Variants in FTCDNL1 observed in about 807,000 individuals in gnomAD.
FTCDNL1 encodes formiminotransferase N-terminal subdomain-containing protein.
Under a neutral mutation model 5.9 loss-of-function variants are expected in FTCDNL1, and 11 were observed. That is an observed-to-expected ratio of 1.87 (90% CI 1.18 to 3.10). The LOEUF (loss-of-function observed/expected upper bound fraction) is 3.10, where lower values mean the gene tolerates loss of function less well. Among genes scored for constraint, FTCDNL1 ranks in the 30% most tolerant of loss-of-function variants. FTCDNL1 has a pLI of 0.00. For synonymous variants in FTCDNL1, 58 were observed against 24.8 expected (o/e 2.34, Z -3.99); for missense variants, 115 against 65.5 (o/e 1.76, Z -2.61).
chr2:199,766,419 C>A (rs557048242), intron 3 of FTCDNL1, among the ~76,000 whole-genome samples: 2 of 152,232 alleles, frequency 1.3e-5, no homozygotes, highest in East Asian at 3.9e-4. Context: ...TGTCCTTCAG[C>A]ATGGTTTCCC....
chr2:199,828,399 C>T (rs1057266717), intron 3 of FTCDNL1, among the ~76,000 whole-genome samples: 2 of 152,170 alleles, frequency 1.3e-5, no homozygotes, highest in African/African-American at 2.4e-5. Flanking sequence ...ACTGTCTCAT[C>T]AGTTTTCAAG....
At chr2:199,771,582 T>C (rs143043129) in intron 3 of FTCDNL1, among the ~76,000 whole-genome samples, 1 of 152,228 alleles carries the variant, frequency 6.6e-6, no homozygotes, top group Non-Finnish European at 1.5e-5. Context: ...TAATTTCTTA[T>C]GGTATAAAAG....
At chr2:199,745,171 G>A in the FTCDNL1 span, among the ~76,000 whole-genome samples, 1 of 152,180 alleles carries the variant, frequency 6.6e-6, no homozygotes, top group Non-Finnish European at 1.5e-5. Context: ...GATATTTATC[G>A]ATTCACCCTT....
At chr2:199,689,828 A>AAG in the FTCDNL1 span, among the ~76,000 whole-genome samples, 1 of 151,598 alleles carries the variant, frequency 6.6e-6, no homozygotes, top group Non-Finnish European at 1.5e-5. Context: ...AAAAAAAAAA[A>AAG]AGAATATAAT....
the FTCDNL1 span, among the ~76,000 whole-genome samples, chr2:199,709,608 G>A: frequency 1.3e-5 from 2 of 152,060 alleles, no homozygotes; most frequent in Admixed American, 6.6e-5. Flanking sequence ...ATGTTTCAGA[G>A]GGCTGGGGTG....
intron 3 of FTCDNL1, among the ~76,000 whole-genome samples, chr2:199,841,372 CGA>C (rs1197621692): frequency 1.3e-5 from 2 of 151,896 alleles, no homozygotes; most frequent in African/African-American, 4.8e-5. Flanking sequence ...GGTGACACAG[CGA>C]GACTCTGTCT....
At chr2:199,708,716 G>A in the FTCDNL1 span, among the ~76,000 whole-genome samples, 1 of 152,188 alleles carries the variant, frequency 6.6e-6, no homozygotes, top group Admixed American at 6.5e-5. Context: ...TTTCCACTCT[G>A]ACTGCTGAAA....
the FTCDNL1 span, among the ~76,000 whole-genome samples, chr2:199,718,559 G>C: frequency 6.6e-6 from 1 of 152,204 alleles, no homozygotes; most frequent in South Asian, 2.1e-4. Context: ...CCTTTGTGTA[G>C]ATACTCAGTA....
At chr2:199,726,108 T>G in the FTCDNL1 span, among the ~76,000 whole-genome samples, 4 of 152,190 alleles carry the variant, frequency 2.6e-5, no homozygotes, top group East Asian at 7.7e-4. Context: ...TTGTCTAATT[T>G]TGTCTGCCTG....
chr2:199,805,670 C>A (rs766040407), downstream of FTCDNL1, among the ~76,000 whole-genome samples: 1 of 152,002 alleles, frequency 6.6e-6, no homozygotes, highest in South Asian at 2.1e-4. Flanking sequence ...ACCCAAGAGA[C>A]GAAGGTTGCA....
intron 3 of FTCDNL1, among the ~76,000 whole-genome samples, chr2:199,786,341 G>A (rs954480689): frequency 2.0e-5 from 3 of 151,498 alleles, no homozygotes; most frequent in African/African-American, 7.3e-5. Flanking sequence ...TATATATATT[G>A]GGGACTTCAG....
At chr2:199,701,297 TTTAAAAAAAAAAAAAAAAAAAAAAAAAA>T in the FTCDNL1 span, among the ~76,000 whole-genome samples, 1 of 70,890 alleles carries the variant, frequency 1.4e-5, no homozygotes, top group Non-Finnish European at 2.4e-5. Flanking sequence ...TACTTGAAAG[TTTAAAAAAAAAAAAAAAAAAAAAAAAAA>T]AAAAAAAAAA....
intron 3 of FTCDNL1, among the ~76,000 whole-genome samples, chr2:199,821,269 C>A (rs1237592220): frequency 6.6e-6 from 1 of 151,662 alleles, no homozygotes; most frequent in Non-Finnish European, 1.5e-5. Flanking sequence ...CCTGCCTCAG[C>A]CCACCATGTA....
chr2:199,833,284 C>A (rs986079425), intron 3 of FTCDNL1, among the ~76,000 whole-genome samples: 109 of 152,240 alleles, frequency 7.2e-4, no homozygotes, highest in African/African-American at 2.5e-3. Context: ...AAATTCTTAT[C>A]CTGCCCACTT....
At chr2:199,666,791 T>C in the FTCDNL1 span, among the ~76,000 whole-genome samples, 1 of 151,942 alleles carries the variant, frequency 6.6e-6, no homozygotes, top group Non-Finnish European at 1.5e-5. Context: ...GGTGCATGCC[T>C]GTAATCCCAG....
intron 3 of FTCDNL1, among the ~76,000 whole-genome samples, chr2:199,828,764 G>T (rs868020581): frequency 6.6e-6 from 1 of 152,150 alleles, no homozygotes; most frequent in South Asian, 2.1e-4. Flanking sequence ...CTCAATAAAG[G>T]TTTATCAAAT....
At chr2:199,763,996 G>A (rs112809623) in intron 3 of FTCDNL1, among the ~76,000 whole-genome samples, 4 of 151,894 alleles carry the variant, frequency 2.6e-5, no homozygotes, top group Admixed American at 6.6e-5. Context: ...TGCCTGCCAC[G>A]ACACCTGGCT....
intron 3 of FTCDNL1, among the ~76,000 whole-genome samples, chr2:199,772,531 A>T (rs1240241181): frequency 6.6e-6 from 1 of 152,126 alleles, no homozygotes; most frequent in Non-Finnish European, 1.5e-5. Flanking sequence ...TCTACACAGG[A>T]GCCCTAATCC....
At chr2:199,766,124 T>C (rs1298469840) in intron 3 of FTCDNL1, among the ~76,000 whole-genome samples, 1 of 152,176 alleles carries the variant, frequency 6.6e-6, no homozygotes, top group African/African-American at 2.4e-5. Flanking sequence ...AAAACCTCCT[T>C]AAAATGTCAA....
Sources: gnomAD v4.1 joint callset for allele counts (sites outside exome capture counted in the v4.1 genomes callset) on GRCh38, gnomAD v4.1.1 for gene constraint, MANE v1.5 for transcripts, NCBI Gene and HGNC (gene_info 2026-07-23, HGNC 2026-07-21) for gene names.